The following KNTC1 variants were observed in gnomAD, a reference collection of about 807,000 sequenced individuals.
The protein encoded by KNTC1 is kinetochore-associated protein 1.
Under a neutral mutation model 314.4 loss-of-function variants are expected in KNTC1, and 253 were observed. The observed-to-expected ratio is 0.80, with a 90% CI of 0.73 to 0.89. The LOEUF is 0.89. Among genes scored for constraint, KNTC1 ranks in the 40% least tolerant of loss-of-function variants. The pLI, the probability that KNTC1 is intolerant of heterozygous loss-of-function variation, is 0.00. For synonymous variants in KNTC1, 901 were observed against 901.4 expected (o/e 1.00, Z 0.01); for missense variants, 2,475 against 2,572.9 (o/e 0.96, Z 0.82).
At chr12:122,548,067 CT>C in intron 12 of KNTC1, 98 bp downstream of exon 12, 1 of 631,454 alleles carries the variant, frequency 1.6e-6, no homozygotes, top group South Asian at 2.3e-5. Flanking sequence ...CATATTAGCT[CT>C]TAGTTCACAC....
chr12:122,615,696 A>G (rs1449282825), intron 57 of KNTC1, among the ~76,000 whole-genome samples, 170 bp downstream of exon 57: 1 of 152,188 alleles, frequency 6.6e-6, no homozygotes, highest in East Asian at 1.9e-4. Context: ...CCAAGGTGGA[A>G]GGATCACTTG....
At chr12:122,576,004 T>C (rs1964991167) in intron 29 of KNTC1, 105 bp downstream of exon 29, 2 of 1,314,640 alleles carry the variant, frequency 1.5e-6, no homozygotes, top group Admixed American at 5.8e-5. Context: ...GCTAGGTTTT[T>C]CCACTACATT....
rs1355228861 is a variant in KNTC1 at position 122,604,648 on chromosome 12, A to G, written c.5175+11A>G. Reference sequence around the variant, plus strand: ...AATATCCCATCGCAGGTGTGTCTGAACTATCAGATTGGCGGCTTCTCTTCT... The same window carrying G: ...AATATCCCATCGCAGGTGTGTCTGAGCTATCAGATTGGCGGCTTCTCTTCT... On this transcript the variant is annotated intron_variant, in intron 49 of 63. Coordinates refer to ENST00000333479, the MANE Select transcript of KNTC1 (RefSeq NM_014708.6). The G allele has an allele frequency of 1.3e-6, 2 of 1,560,834 alleles. No homozygotes were observed. Among genetic ancestry groups the G allele is most frequent in the Non-Finnish European group, 1.8e-6 (2 of 1,133,626 alleles).
At chr12:122,602,802 A>G (rs559542800) in intron 46 of KNTC1, 27 bp from the exon 47 acceptor site, 2 of 1,611,950 alleles carry the variant, frequency 1.2e-6, no homozygotes, top group East Asian at 2.2e-5. Context: ...TCTTAAGCAA[A>G]TCGTACTTTC....
intron 39 of KNTC1, 110 bp from the exon 40 acceptor site, chr12:122,588,602 A>C: frequency 1.2e-6 from 1 of 814,280 alleles, no homozygotes. Context: ...AAATTCTGAT[A>C]CTTTTTGGAT....
intron 55 of KNTC1, among the ~76,000 whole-genome samples, 170 bp downstream of exon 55, chr12:122,613,931 C>T (rs1459225761): frequency 6.6e-6 from 1 of 152,098 alleles, no homozygotes. Flanking sequence ...ACCTCCATCT[C>T]CCGGGTTCAA....
At chr12:122,605,251 T>C in intron 50 of KNTC1, 55 bp from the exon 51 acceptor site, 1 of 1,205,186 alleles carries the variant, frequency 8.3e-7, no homozygotes, top group Non-Finnish European at 1.2e-6. Context: ...ATATAAGTAT[T>C]CAATATAAAT....
At chr12:122,536,978 A>G (rs1004649914) in intron 3 of KNTC1, among the ~76,000 whole-genome samples, 1 of 152,222 alleles carries the variant, frequency 6.6e-6, no homozygotes, top group Non-Finnish European at 1.5e-5. Flanking sequence ...ATTGACCCTG[A>G]TTGGTCCACA....
At chr12:122,542,463 T>C (rs1962417424) in intron 6 of KNTC1, among the ~76,000 whole-genome samples, 1 of 152,120 alleles carries the variant, frequency 6.6e-6, no homozygotes, top group East Asian at 1.9e-4. Flanking sequence ...AATGACTATG[T>C]AGTGTTAATA....
chr12:122,606,270 C>T (rs1219991938), intron 51 of KNTC1, among the ~76,000 whole-genome samples: 1 of 146,170 alleles, frequency 6.8e-6, no homozygotes, highest in Admixed American at 6.9e-5. Flanking sequence ...CTCTGTCATC[C>T]AGTCTGGAGT....
In KNTC1 at chr12:122,584,931, T is replaced by G; in HGVS notation, c.3475T>G (p.Leu1159Val). 6.2e-7 allele frequency: 1 copy of G among 1,602,092 alleles called. No homozygotes were observed. The highest frequency in any genetic ancestry group is 8.6e-7 in the Non-Finnish European group (1 of 1,169,226). ...TGCTTTAGAACTATGTAAACATACT[T>G]TAATGGCTGTAGAGCTTTCCAGACA... ...LDALELCKHT[L>V]MAVELSRQCQ... Residue 1159 changes from leucine (L) to valine (V), a missense_variant, in exon 36 of 64, where the codon TTA becomes GTA. Leu to Val is a conservative substitution (Grantham distance 32). Transcript: ENST00000333479.
intron 41 of KNTC1, among the ~76,000 whole-genome samples, chr12:122,591,120 T>C (rs1401437008): frequency 6.6e-6 from 1 of 152,110 alleles, no homozygotes; most frequent in Non-Finnish European, 1.5e-5. Context: ...TTTGGCCTTT[T>C]ATTATAAAGG....
chr12:122,613,649 T>C lies in KNTC1; in HGVS notation c.5765T>C (p.Phe1922Ser), dbSNP rs941338409. 1.9e-6 allele frequency: 3 copies of C among 1,610,304 alleles called. No homozygotes were observed. The highest frequency in any genetic ancestry group is 2.5e-6 in the Non-Finnish European group (3 of 1,178,776). ...EVKSYLRCIT[F>S]LASFETLNIP... ...AGATCTTATTTGAGATGTATAACTT[T>C]TCTGGCATCATTTGAGACTTTGAAT... Residue 1922 changes from phenylalanine to serine, a missense_variant, in exon 55 of 64, where the codon TTT becomes TCT. Coordinates refer to ENST00000333479, the MANE Select transcript of KNTC1 (RefSeq NM_014708.6).
chr12:122,604,606 C>A lies in KNTC1; in HGVS notation c.5144C>A (p.Ala1715Asp). The change falls in exon 49 of 64, where the codon GCT becomes GAT. Residue 1715 changes from alanine (A) to aspartate (D), a missense_variant. Ala to Asp is a moderately radical substitution (Grantham distance 126). Coordinates refer to ENST00000333479, the MANE Select transcript of KNTC1 (RefSeq NM_014708.6). ...GCTTTGAAATTCTGCCTTTATTTAGCTGAGAGATGGCTACAGAATATCCCA... is the reference window on the plus strand; with the variant it reads ...GCTTTGAAATTCTGCCTTTATTTAGATGAGAGATGGCTACAGAATATCCCA... ...ISALKFCLYL[A>D]ERWLQNIPSQ... 2 of 1,594,714 alleles carry A rather than the reference C, an allele frequency of 1.3e-6. No individual in the cohort carries two copies. The highest frequency in any genetic ancestry group is 1.7e-6 in the Non-Finnish European group (2 of 1,163,498).
intron 16 of KNTC1, among the ~76,000 whole-genome samples, chr12:122,554,076 A>ATATATATATATATAT (rs1555224817): frequency 2.9e-4 from 32 of 109,040 alleles, no homozygotes; most frequent in South Asian, 1.9e-3. Flanking sequence ...AAAAAAAAAA[A>ATATATATATATATAT]ATATATATAT....
At chr12:122,609,040 CA>C (rs1202736701) in intron 51 of KNTC1, among the ~76,000 whole-genome samples, 1 of 152,070 alleles carries the variant, frequency 6.6e-6, no homozygotes, top group African/African-American at 2.4e-5. Context: ...GCCTGAGTGA[CA>C]GAGCAAGATC....
At chr12:122,527,865 C>T (rs1229003997) in intron 1 of KNTC1, among the ~76,000 whole-genome samples, 1 of 152,196 alleles carries the variant, frequency 6.6e-6, no homozygotes, top group East Asian at 1.9e-4. Flanking sequence ...ATGTCACCTC[C>T]TTCCCTTCCC....
intron 18 of KNTC1, among the ~76,000 whole-genome samples, chr12:122,560,158 G>A (rs1239132274): frequency 6.6e-6 from 1 of 152,022 alleles, no homozygotes; most frequent in Non-Finnish European, 1.5e-5. Flanking sequence ...TATCCTCCAG[G>A]TTCATTCATG....
chr12:122,622,935 C>T (rs528991896), intron 62 of KNTC1, among the ~76,000 whole-genome samples: 2 of 150,146 alleles, frequency 1.3e-5, no homozygotes, highest in South Asian at 2.1e-4. Context: ...GCAACAGGAG[C>T]GAAACTCTGT....
Sources: allele counts gnomAD v4.1 joint callset (sites outside exome capture counted in the v4.1 genomes callset), GRCh38; gene constraint gnomAD v4.1.1; transcripts MANE v1.5; gene names NCBI Gene and HGNC (gene_info 2026-07-23, HGNC 2026-07-21).